The following ATE1 variants were observed in gnomAD, a reference collection of about 807,000 sequenced individuals.
The protein encoded by ATE1 is arginyl-tRNA--protein transferase 1.
Under a neutral mutation model 70.5 loss-of-function variants are expected in ATE1, and 36 were observed. That is an observed-to-expected ratio of 0.51 (90% CI 0.39 to 0.67). ATE1 has a LOEUF of 0.67. ATE1 is among the 30% of genes least tolerant of loss of function. ATE1 has a pLI of 0.00. For synonymous variants in ATE1, 232 were observed against 219.3 expected, an observed-to-expected ratio of 1.06 and a Z score of -0.51; for missense variants, 593 against 629.5, an observed-to-expected ratio of 0.94 and a Z score of 0.62.
chr10:121,891,355 T>A (rs1228621174), intron 7 of ATE1, among the ~76,000 whole-genome samples: 16 of 152,030 alleles, frequency 1.1e-4, no homozygotes, highest in African/African-American at 3.4e-4. Flanking sequence ...ACATGTGATT[T>A]TACATGGAGG....
intron 10 of ATE1, among the ~76,000 whole-genome samples, chr10:121,831,551 A>G (rs1182806229): frequency 6.6e-6 from 1 of 152,070 alleles, no homozygotes; most frequent in Non-Finnish European, 1.5e-5. Context: ...CTTTCTTTTG[A>G]CTTGACATCC....
At chr10:121,850,277 T>C (rs1455611134) in intron 8 of ATE1, among the ~76,000 whole-genome samples, 1 of 152,214 alleles carries the variant, frequency 6.6e-6, no homozygotes, top group Admixed American at 6.5e-5. Context: ...AAACAATACA[T>C]ACATACAAAT....
chr10:121,857,770 TA>T (rs1949301371), intron 8 of ATE1, among the ~76,000 whole-genome samples: 1 of 152,186 alleles, frequency 6.6e-6, no homozygotes, highest in Non-Finnish European at 1.5e-5. Context: ...ATCATGTAAC[TA>T]CCCACACAAT....
intron 11 of ATE1, among the ~76,000 whole-genome samples, chr10:121,762,702 G>C (rs894841504): frequency 6.6e-6 from 1 of 152,192 alleles, no homozygotes; most frequent in African/African-American, 2.4e-5. Context: ...TTTGTGCCCT[G>C]AGCTACGGGG....
In ATE1 at chr10:121,743,784, A is replaced by G. The variant is rs746264073; in HGVS notation, c.1453T>C (p.Tyr485His). 1 of 1,614,096 alleles carries G rather than the reference A, an allele frequency of 6.2e-7. No homozygotes were observed. The highest frequency in any genetic ancestry group is 1.1e-5 in the South Asian group (1 of 91,080). ...CTTGGGTCTTTCTGCTGTTTCTTAT[A>G]AACACCGTAAGGCATGATGGCTCTC... ...HKRAIMPYGV[Y>H]KKQQKDPSEE... Residue 485 changes from tyrosine to histidine, a missense_variant, in exon 12 of 12, where the codon TAT becomes CAT. By Grantham distance (83) the Tyr-to-His change is moderately conservative (BLOSUM62 2). Coordinates refer to ENST00000224652, the MANE Select transcript of ATE1 (RefSeq NM_001001976.3).
rs149830080 is a variant in ATE1, at chr10:121,896,987, C to T, written c.942+2879G>A. Among the ~76,000 whole-genome samples, 34 of 152,174 alleles carry T rather than the reference C, an allele frequency of 2.2e-4. 1 individual carries two copies. Among genetic ancestry groups the T allele is most frequent in the African/African-American group, 7.2e-4 (30 of 41,528 alleles). On this transcript the variant is annotated intron_variant, in intron 7 of 11. Coordinates refer to ENST00000224652, the MANE Select transcript of ATE1 (RefSeq NM_001001976.3). ...ATTTTGCTAGTCCTGCTGCCCAGAA[C>T]ACCTTTCTCCCTTTTTGTCCTGGCA...
intron 10 of ATE1, among the ~76,000 whole-genome samples, chr10:121,793,410 G>C (rs909780081): frequency 1.3e-5 from 2 of 152,170 alleles, no homozygotes; most frequent in Non-Finnish European, 2.9e-5. Context: ...GGAATGTTGG[G>C]TAAAAGGGTT....
intron 10 of ATE1, among the ~76,000 whole-genome samples, chr10:121,794,610 CAAAAAAA>C (rs71022866): frequency 1.3e-5 from 1 of 77,542 alleles, no homozygotes; most frequent in Non-Finnish European, 2.3e-5. Flanking sequence ...ACCCTGTCTC[CAAAAAAA>C]AAAAAAAAAA....
chr10:121,838,225 C>T (rs531430849), intron 9 of ATE1, among the ~76,000 whole-genome samples: 2 of 152,176 alleles, frequency 1.3e-5, no homozygotes, highest in South Asian at 2.1e-4. Flanking sequence ...CCCAATCCCC[C>T]ACCCCAGCAG....
intron 10 of ATE1, among the ~76,000 whole-genome samples, chr10:121,818,897 A>G (rs377269814): frequency 1.3e-5 from 2 of 152,362 alleles, no homozygotes. Flanking sequence ...TAAGAACTAG[A>G]TAAGTTGGAG....
At chr10:121,866,961 C>A (rs538972987) in intron 8 of ATE1, among the ~76,000 whole-genome samples, 16 of 151,866 alleles carry the variant, frequency 1.1e-4, no homozygotes, top group African/African-American at 3.9e-4. Flanking sequence ...TTACAAAGGA[C>A]AAAGCTCTCA....
chr10:121,847,881 C>T (rs1207621111), intron 8 of ATE1, among the ~76,000 whole-genome samples: 1 of 150,606 alleles, frequency 6.6e-6, no homozygotes, highest in Non-Finnish European at 1.5e-5. Flanking sequence ...ACCATCCTGG[C>T]TAACACGGTG....
chr10:121,900,149 TAAAGA>T (rs1364281134), intron 6 of ATE1, among the ~76,000 whole-genome samples, 155 bp from the exon 7 acceptor site: 2 of 152,072 alleles, frequency 1.3e-5, no homozygotes, highest in Non-Finnish European at 2.9e-5. Flanking sequence ...AGTTAGTAAA[TAAAGA>T]AAAAAGTTAT....
intron 10 of ATE1, among the ~76,000 whole-genome samples, chr10:121,797,538 T>C (rs1946706425): frequency 6.6e-6 from 1 of 151,420 alleles, no homozygotes; most frequent in Non-Finnish European, 1.5e-5. Context: ...TGACTATCCA[T>C]TTAAAAATAG....
chr10:121,826,973 C>A (rs1356852203), intron 10 of ATE1, among the ~76,000 whole-genome samples: 1 of 151,964 alleles, frequency 6.6e-6, no homozygotes, highest in African/African-American at 2.4e-5. Flanking sequence ...TGTAGTATTC[C>A]ATAGTATATC....
chr10:121,899,756 A>G (rs552041946), intron 7 of ATE1, 110 bp downstream of exon 7: 1 of 1,469,862 alleles, frequency 6.8e-7, no homozygotes, highest in South Asian at 1.5e-5. Context: ...GATATGCTGC[A>G]AATTGAACAC....
At chr10:121,863,797 A>G (rs1029537814) in intron 8 of ATE1, among the ~76,000 whole-genome samples, 3 of 151,954 alleles carry the variant, frequency 2.0e-5, no homozygotes, top group African/African-American at 4.8e-5. Context: ...TTTCTTTTAG[A>G]AATGGGGGTT....
In ATE1 at chr10:121,786,961, T is replaced by C. The variant is rs78688962; in HGVS notation, c.1378+3208A>G. 7.7e-3 allele frequency among the ~76,000 whole-genome samples: 1,178 copies of C among 152,322 alleles called. 13 individuals carry two copies. The highest frequency in any genetic ancestry group is 0.027 in the African/African-American group (1,137 of 41,576). ...ATCATTTGAGAAACTTTTGAACCCCTTTCTTTGAAGTAGGCAGAAGTCCTG... is the reference window on the plus strand; with the variant it reads ...ATCATTTGAGAAACTTTTGAACCCCCTTCTTTGAAGTAGGCAGAAGTCCTG... On this transcript the variant is annotated intron_variant, in intron 11 of 11. Coordinates refer to ENST00000224652, the MANE Select transcript of ATE1 (RefSeq NM_001001976.3).
At chr10:121,924,457 CTGGGAGGCCA>C in intron 1 of ATE1, 128 bp from the exon 2 acceptor site, 1 of 831,120 alleles carries the variant, frequency 1.2e-6, no homozygotes, top group East Asian at 2.9e-5. Flanking sequence ...TCCCAGCACT[CTGGGAGGCCA>C]AGGCGGGCAA....
Sources: gnomAD v4.1 joint callset for allele counts (sites outside exome capture counted in the v4.1 genomes callset) on GRCh38, gnomAD v4.1.1 for gene constraint, MANE v1.5 for transcripts, NCBI Gene and HGNC (gene_info 2026-07-23, HGNC 2026-07-21) for gene names.